The following GNG2 variants were observed in gnomAD, a reference collection of about 807,000 sequenced individuals.
GNG2 encodes the protein G protein subunit gamma 2, also known as guanine nucleotide-binding protein G(I)/G(S)/G(O) subunit gamma-2.
GNG2 carries 5 observed loss-of-function variants against 5.5 expected under a neutral mutation model. The observed-to-expected ratio is 0.91, with a 90% CI of 0.48 to 1.92. The LOEUF is 1.92. Ranked by LOEUF, GNG2 falls within the 30% of genes most tolerant of loss-of-function variation. The pLI is 0.01. For missense variants in GNG2, 55 were observed against 88.4 expected (o/e 0.62, Z 1.52); for synonymous variants, 28 against 32.0 (o/e 0.88, Z 0.42).
intron 2 of GNG2, chr14:51,914,315 T>C (rs1346148744): frequency 4.3e-6 from 3 of 701,356 alleles, no homozygotes; most frequent in African/African-American, 3.5e-5. Flanking sequence ...CATTTCATTA[T>C]GTCTGAAAGA....
At chr14:51,944,118 T>C (rs963520270) in intron 2 of GNG2, among the ~76,000 whole-genome samples, 2 of 152,112 alleles carry the variant, frequency 1.3e-5, no homozygotes, top group African/African-American at 4.8e-5. Context: ...TGGAATAGCA[T>C]AAAGAGCACA....
At chr14:51,897,843 A>C (rs930714438) in intron 2 of GNG2, among the ~76,000 whole-genome samples, 2 of 152,210 alleles carry the variant, frequency 1.3e-5, no homozygotes, top group African/African-American at 4.8e-5. Flanking sequence ...TTTTGAGGGA[A>C]TAATGTTTTA....
At chr14:51,867,592 G>C (rs745996020) in intron 1 of GNG2, among the ~76,000 whole-genome samples, 1 of 152,186 alleles carries the variant, frequency 6.6e-6, no homozygotes, top group African/African-American at 2.4e-5. Flanking sequence ...CATGTTTATA[G>C]CCGGTGTCTT....
intron 2 of GNG2, among the ~76,000 whole-genome samples, chr14:51,945,936 G>C (rs1385202654): frequency 6.6e-6 from 1 of 151,036 alleles, no homozygotes; most frequent in Non-Finnish European, 1.5e-5. Context: ...TCTTTGTTTT[G>C]TTTGCAATAG....
chr14:51,924,386 CATTT>C (rs1452878541), intron 2 of GNG2, among the ~76,000 whole-genome samples: 1 of 152,120 alleles, frequency 6.6e-6, no homozygotes, highest in Admixed American at 6.5e-5. Context: ...CAGGCTTATT[CATTT>C]GAGTTGAGAT....
At chr14:51,949,847 A>G (rs1383791976) in intron 2 of GNG2, among the ~76,000 whole-genome samples, 2 of 152,212 alleles carry the variant, frequency 1.3e-5, no homozygotes, top group Non-Finnish European at 2.9e-5. Context: ...GGATAAGAAG[A>G]GAAATGAATG....
chr14:51,856,101 C>G (rs1459968859), upstream of GNG2, among the ~76,000 whole-genome samples: 1 of 152,154 alleles, frequency 6.6e-6, no homozygotes, highest in Non-Finnish European at 1.5e-5. Context: ...TCACTTGAAC[C>G]TGGGAGGTGG....
intron 2 of GNG2, among the ~76,000 whole-genome samples, chr14:51,927,892 T>C (rs559954019): frequency 1.3e-5 from 2 of 152,198 alleles, no homozygotes; most frequent in East Asian, 3.9e-4. Context: ...GTTTGGCAAA[T>C]GAGAAGAAAA....
At chr14:51,864,682 A>G (rs1307746485) in intron 1 of GNG2, among the ~76,000 whole-genome samples, 1 of 152,198 alleles carries the variant, frequency 6.6e-6, no homozygotes, top group Non-Finnish European at 1.5e-5. Context: ...GGCTACCACT[A>G]CGGAGGCACT....
chr14:51,898,150 A>T (rs985481951), intron 2 of GNG2, among the ~76,000 whole-genome samples: 1 of 152,236 alleles, frequency 6.6e-6, no homozygotes, highest in Non-Finnish European at 1.5e-5. Flanking sequence ...TTTTCTAAAA[A>T]TTTTGGAGTG....
intron 2 of GNG2, among the ~76,000 whole-genome samples, chr14:51,949,681 C>T (rs1888859990): frequency 4.6e-5 from 7 of 152,254 alleles, no homozygotes; most frequent in Middle Eastern, 3.4e-3. Context: ...TCTCAAGGAG[C>T]ATATTTACAC....
At chr14:51,955,730 A>G (rs1216139288) in intron 3 of GNG2, among the ~76,000 whole-genome samples, 1 of 152,258 alleles carries the variant, frequency 6.6e-6, no homozygotes, top group Non-Finnish European at 1.5e-5. Context: ...GTCATTTTAA[A>G]GAAAGATAAA....
intron 2 of GNG2, among the ~76,000 whole-genome samples, chr14:51,893,964 C>A (rs1294731359): frequency 6.6e-6 from 1 of 152,056 alleles, no homozygotes; most frequent in Non-Finnish European, 1.5e-5. Flanking sequence ...ATTCCAATGT[C>A]AATGATGCCA....
At chr14:51,965,235 C>T (rs1889825731) in intron 3 of GNG2, among the ~76,000 whole-genome samples, 1 of 152,140 alleles carries the variant, frequency 6.6e-6, no homozygotes, top group Admixed American at 6.5e-5. Context: ...TATAATTCAC[C>T]CAAATCTTAA....
chr14:51,957,443 CT>C (rs1248134468), intron 3 of GNG2, among the ~76,000 whole-genome samples: 2 of 152,064 alleles, frequency 1.3e-5, no homozygotes, highest in South Asian at 2.1e-4. Context: ...CATTTTTATT[CT>C]GGAAATAATC....
At chr14:51,949,120 CA>C (rs1179223330) in intron 2 of GNG2, among the ~76,000 whole-genome samples, 5,408 of 76,962 alleles carry the variant, frequency 0.07, 270 homozygotes, top group African/African-American at 0.2. Flanking sequence ...GACTCCGTCT[CA>C]AAAAAAAAAA....
At chr14:51,912,541 A>T (rs974807375) in intron 2 of GNG2, among the ~76,000 whole-genome samples, 9 of 152,224 alleles carry the variant, frequency 5.9e-5, no homozygotes, top group African/African-American at 2.2e-4. Flanking sequence ...TCTCCAGGAC[A>T]AAACTCCTCT....
chr14:51,870,409 T>C (rs1883223425), intron 1 of GNG2, among the ~76,000 whole-genome samples: 1 of 152,134 alleles, frequency 6.6e-6, no homozygotes, highest in Non-Finnish European at 1.5e-5. Flanking sequence ...TATAAAGCAA[T>C]AAGAATGGCA....
intron 2 of GNG2, among the ~76,000 whole-genome samples, chr14:51,845,150 G>C (rs1364814932): frequency 6.6e-6 from 1 of 152,044 alleles, no homozygotes; most frequent in Non-Finnish European, 1.5e-5. Context: ...GTTTCTCTAT[G>C]GGCTAAATTA....
Sources: allele counts gnomAD v4.1 joint callset (sites outside exome capture counted in the v4.1 genomes callset), GRCh38; gene constraint gnomAD v4.1.1; transcripts MANE v1.5; gene names NCBI Gene and HGNC (gene_info 2026-07-23, HGNC 2026-07-21).